The following NADSYN1 variants were observed in gnomAD, a reference collection of about 807,000 sequenced individuals.
NADSYN1 encodes NAD synthetase 1.
In NADSYN1, 80 loss-of-function variants were observed where a neutral mutation model predicts 99.3. That is an observed-to-expected ratio of 0.81 (90% CI 0.67 to 0.97). NADSYN1 has a LOEUF of 0.97. Ranked by LOEUF, NADSYN1 falls within the 50% of genes least tolerant of loss-of-function variation. The probability of loss-of-function intolerance (pLI) is 0.00; values close to 1 mark genes in which losing one functional copy is unlikely to be tolerated. For synonymous variants in NADSYN1, 385 were observed against 372.1 expected (o/e 1.03, Z -0.40); for missense variants, 859 against 948.5 (o/e 0.91, Z 1.24).
In NADSYN1 at chr11:71,474,453, A is replaced by C. The variant is rs761214817; in HGVS notation, c.725A>C (p.Tyr242Ser). Residue 242 changes from tyrosine (Y) to serine (S), a missense_variant, in exon 9 of 21, where the codon TAC (tyrosine) becomes TCC (serine). Coordinates refer to ENST00000319023, the MANE Select transcript of NADSYN1 (RefSeq NM_018161.5). ...QKGCDGDRLY[Y>S]DGCAMIAMNG... is the part of the protein sequence containing the mutation. ...GGTTGTGACGGGGACCGCCTGTACT[A>C]CGACGGCTGTGCCATGATTGCCATG... is the stretch of plus-strand genomic sequence containing the variant. 2 of 1,614,222 alleles carry C rather than the reference A, an allele frequency of 1.2e-6. No individual in the cohort carries two copies. The highest frequency in any genetic ancestry group is 2.2e-5 in the South Asian group (2 of 91,082).
chr11:71,471,715 C>A (rs1790339), intron 5 of NADSYN1, among the ~76,000 whole-genome samples: 42,780 of 152,080 alleles, frequency 0.28, 6,520 homozygotes, highest in South Asian at 0.46. Context: ...GGATATCTTC[C>A]TGTCCCCGTT....
At chr11:71,459,215 C>T (rs959173121) in intron 3 of NADSYN1, among the ~76,000 whole-genome samples, 3 of 147,576 alleles carry the variant, frequency 2.0e-5, no homozygotes, top group Admixed American at 6.8e-5. Flanking sequence ...GGTGTCTGTG[C>T]GGTCCCTGCA....
intron 5 of NADSYN1, 99 bp from the exon 6 acceptor site, chr11:71,472,350 A>G: frequency 1.0e-6 from 1 of 960,748 alleles, no homozygotes; most frequent in Non-Finnish European, 1.7e-6. Flanking sequence ...CCAGTTCATC[A>G]GTTCGGAGGG....
At position 71,453,382 on chromosome 11, in the gene NADSYN1, G is replaced by C. The variant is rs926336164; in HGVS notation, c.85+1G>C. 3.1e-6 allele frequency: 5 copies of C among 1,613,208 alleles called. No homozygotes were observed. In the Admixed American group the frequency reaches 8.3e-5, roughly 27 times the overall value. The stretch of plus-strand genomic sequence containing the variant: ...GGCAATTTGCAAAGAATTTTAAAGA[G>C]TGAGTCTGGGGCGGCGGGGGCACCG... On this transcript the variant is annotated splice_donor_variant, in intron 1 of 20. Transcript: ENST00000319023. LOFTEE classifies it high-confidence loss of function.
chr11:71,456,800 TC>T (rs1197126502), intron 2 of NADSYN1, among the ~76,000 whole-genome samples: 1 of 152,196 alleles, frequency 6.6e-6, no homozygotes, highest in Non-Finnish European at 1.5e-5. Context: ...CTGAGCAGGC[TC>T]CTGTGAAATA....
At chr11:71,491,317 G>C (rs1300094982) in intron 17 of NADSYN1, among the ~76,000 whole-genome samples, 1 of 152,276 alleles carries the variant, frequency 6.6e-6, no homozygotes, top group Non-Finnish European at 1.5e-5. Flanking sequence ...AGATGGATCA[G>C]TGTCCGGACC....
rs559735572 is a variant in NADSYN1, at chr11:71,485,728, T to C, written c.1562+80T>C. On this transcript the variant is annotated intron_variant, in intron 16 of 20. Coordinates refer to ENST00000319023, the MANE Select transcript of NADSYN1 (RefSeq NM_018161.5). ...GAAGGTGATACGCTGTGAGATTCTA[T>C]CATCCTGTGCCTTTCATGGCGGGTT... 1.5e-5 allele frequency: 16 copies of C among 1,077,436 alleles called. No homozygotes were observed. The African/African-American group carries it at 2.2e-4, about 15-fold the overall frequency. 66.7% of individuals were successfully genotyped at this position (1,077,436 alleles called of 1,614,324 possible).
chr11:71,498,983 C>T (rs1490073719), intron 20 of NADSYN1: 1 of 155,026 alleles, frequency 6.5e-6, no homozygotes, highest in Non-Finnish European at 1.4e-5. Flanking sequence ...CACCGTCGCA[C>T]TCTCTGCTTC....
Position 71,482,873 on chromosome 11 carries a change from G to T in NADSYN1, c.1175G>T (p.Arg392Leu), listed in dbSNP as rs762179995. The T allele has an allele frequency of 6.2e-7, 1 of 1,612,756 alleles. No individual in the cohort carries two copies. The highest frequency in any genetic ancestry group is 1.1e-5 in the South Asian group (1 of 91,050). Residue 392 changes from arginine to leucine, a missense_variant, in exon 14 of 21, where the codon CGC becomes CTC. Transcript: ENST00000319023. ...GATGAGGAAGTGCTGGCTGATGTCC[G>T]CACCATCGTGAACCAGATCAGCTAC... is the stretch of plus-strand genomic sequence containing the variant. Reference protein sequence around the residue: ...SGNEEVLADVRTIVNQISYTP... With the variant: ...SGNEEVLADVLTIVNQISYTP...
intron 10 of NADSYN1, 126 bp from the exon 11 acceptor site, chr11:71,480,615 TCGTGGGAGTGAGGG>T: frequency 7.9e-7 from 1 of 1,272,566 alleles, no homozygotes; most frequent in Non-Finnish European, 1.1e-6. Context: ...CTCGCCATCC[TCGTGGGAGTGAGGG>T]TGGCCTCACT....
At chr11:71,473,394 A>G (rs1185629363) in intron 7 of NADSYN1, 28 bp downstream of exon 7, 16 of 1,609,386 alleles carry the variant, frequency 9.9e-6, no homozygotes, top group Middle Eastern at 1.6e-4. Context: ...GTGCTGTCTG[A>G]TCGCCCACCT....
At chr11:71,472,167 A>T (rs371494098) in intron 5 of NADSYN1, among the ~76,000 whole-genome samples, 3 of 152,212 alleles carry the variant, frequency 2.0e-5, no homozygotes, top group Non-Finnish European at 4.4e-5. Context: ...CCTGTGACAC[A>T]TCTCTCAGTA....
At chr11:71,481,326 T>A (rs201866913) in intron 11 of NADSYN1, 30 bp from the exon 12 acceptor site, 1 of 1,612,906 alleles carries the variant, frequency 6.2e-7, no homozygotes, top group Non-Finnish European at 8.5e-7. Flanking sequence ...GGCCACCGCC[T>A]CCGGGCTCCA....
chr11:71,483,024 T>C lies in NADSYN1; in HGVS notation c.1319+7T>C. ...TGGCCCAGCAGATTGGAAGGTAGAG[T>C]TGGTCCCTGGTATTGGGCATGGCAG... is the stretch of plus-strand genomic sequence containing the variant. On this transcript the variant is annotated splice_region_variant and intron_variant, in intron 14 of 20. Coordinates refer to ENST00000319023, the MANE Select transcript of NADSYN1 (RefSeq NM_018161.5). 1 of 1,611,338 alleles carries C rather than the reference T, an allele frequency of 6.2e-7. No individual in the cohort carries two copies. The highest frequency in any genetic ancestry group is 1.1e-5 in the South Asian group (1 of 90,966).
At chr11:71,498,098 G>A (rs545923110) in intron 19 of NADSYN1, among the ~76,000 whole-genome samples, 6 of 151,930 alleles carry the variant, frequency 3.9e-5, no homozygotes, top group East Asian at 1.9e-4. Flanking sequence ...CATCAGAGGC[G>A]GGGGACCCCA....
intron 7 of NADSYN1, 85 bp from the exon 8 acceptor site, chr11:71,473,484 G>T (rs1378863285): frequency 3.9e-6 from 6 of 1,530,018 alleles, no homozygotes; most frequent in Non-Finnish European, 5.4e-6. Context: ...GCTGGGAGCT[G>T]CCGTGGGAGA....
At chr11:71,471,967 T>C (rs1415759700) in intron 5 of NADSYN1, among the ~76,000 whole-genome samples, 2 of 152,186 alleles carry the variant, frequency 1.3e-5, no homozygotes, top group Non-Finnish European at 2.9e-5. Context: ...TGGGACACCT[T>C]GCACTAAAGT....
rs532076448 is a variant in NADSYN1, at chr11:71,478,102, CAG to C, written c.799-292_799-291del. Reference sequence around the variant, plus strand: ...CTTACTGACAGGGGTGTCTTACTGACAGGGGTGTGTCTTACTGACGGGGTGTG... The same window carrying C: ...CTTACTGACAGGGGTGTCTTACTGACGGGTGTGTCTTACTGACGGGGTGTG... On this transcript the variant is annotated intron_variant, in intron 9 of 20. Coordinates refer to ENST00000319023, the MANE Select transcript of NADSYN1 (RefSeq NM_018161.5). Among the ~76,000 whole-genome samples the C allele has an allele frequency of 3.0e-3, 455 of 151,796 alleles. 2 individuals are homozygous for C. Among genetic ancestry groups the C allele is most frequent in the African/African-American group, 7.8e-3 (321 of 41,270 alleles).
In NADSYN1 at chr11:71,474,523, C is replaced by A. The variant is rs370965046; in HGVS notation, c.795C>A (p.Asp265Glu). The change falls in exon 9 of 21, where the codon GAC becomes GAA. Residue 265 changes from aspartate (D) to glutamate (E), a missense_variant. Asp to Glu is a conservative substitution (Grantham distance 45). Transcript: ENST00000319023. ...FAQGSQFSLD[D>E]VEVLTATLDL... ...AAGGATCCCAGTTTTCTCTGGATGA[C>A]GTGGTAATGAGCGGGCCTGGACATG... 3 of 1,614,000 alleles carry A rather than the reference C, an allele frequency of 1.9e-6. No individual in the cohort carries two copies. Among genetic ancestry groups the A allele is most frequent in the Non-Finnish European group, 2.5e-6 (3 of 1,179,986 alleles).
Sources: allele counts gnomAD v4.1 joint callset (sites outside exome capture counted in the v4.1 genomes callset), GRCh38; gene constraint gnomAD v4.1.1; transcripts MANE v1.5; gene names NCBI Gene and HGNC (gene_info 2026-07-23, HGNC 2026-07-21).